Variants in TFEC observed in about 807,000 individuals in gnomAD.
TFEC encodes transcription factor EC, also known as class E basic helix-loop-helix protein 34.
A neutral mutation model predicts 41.6 loss-of-function variants in TFEC; 31 were observed. The ratio of observed to expected loss-of-function variants is 0.74; its 90% CI spans 0.56 to 1.01. The LOEUF is 1.01. Among genes scored for constraint, TFEC ranks in the 50% least tolerant of loss-of-function variants. The pLI is 0.00. For synonymous variants in TFEC, 143 were observed against 140.6 expected (o/e 1.02, Z -0.12); for missense variants, 402 against 404.1 (o/e 0.99, Z 0.04).
rs184854304 is a variant in TFEC at position 115,970,665 on chromosome 7, C to A, written c.267+3505G>T. On this transcript the variant is annotated intron_variant, in intron 3 of 7. Coordinates refer to ENST00000265440, the MANE Select transcript of TFEC (RefSeq NM_012252.4). ...GAAGAAAAGTCCTTTGGAAGGGATC[C>A]CAGACACAAATGGTAGGGCTAGCTT... 7.9e-5 allele frequency among the ~76,000 whole-genome samples: 12 copies of A among 151,864 alleles called. No individual in the cohort carries two copies. In the East Asian group the frequency reaches 1.9e-3, roughly 25 times the overall value.
intron 3 of TFEC, chr7:115,968,085 T>C (rs1299477060): frequency 1.6e-6 from 2 of 1,222,932 alleles, no homozygotes; most frequent in East Asian, 5.2e-5. Context: ...AATGTTCACA[T>C]ACCTTATTTT....
At chr7:116,026,247 T>C (rs1795580070) in intron 1 of TFEC, among the ~76,000 whole-genome samples, 1 of 152,230 alleles carries the variant, frequency 6.6e-6, no homozygotes, top group Admixed American at 6.5e-5. Context: ...ATGCTAGTCT[T>C]TCGATCCACT....
chr7:116,033,802 A>G (rs1166567377), upstream of TFEC, among the ~76,000 whole-genome samples: 1 of 152,114 alleles, frequency 6.6e-6, no homozygotes, highest in Admixed American at 6.6e-5. Context: ...AGGAAAACAA[A>G]TAATCTTCTC....
intron 3 of TFEC, among the ~76,000 whole-genome samples, chr7:116,099,753 T>G (rs1445129751): frequency 1.3e-5 from 2 of 152,180 alleles, no homozygotes; most frequent in Admixed American, 6.5e-5. Context: ...AGAAGTAACA[T>G]AGTTGTTTTA....
rs189130468 is a variant in TFEC, at chr7:116,044,720, A to C, written c.199-60207T>G. Among the ~76,000 whole-genome samples, 11 of 152,336 alleles carry C rather than the reference A, an allele frequency of 7.2e-5. No individual in the cohort carries two copies. The East Asian group carries it at 1.9e-3, about 27-fold the overall frequency. Reference sequence around the variant, plus strand: ...TTTTTCTTCAGCATCTTGACTGCCTACACCTGCTGACTGCAGGCATCTGCC... The same window carrying C: ...TTTTTCTTCAGCATCTTGACTGCCTCCACCTGCTGACTGCAGGCATCTGCC... On this transcript the variant is annotated intron_variant, in intron 3 of 8. Transcript: ENST00000484212.
intron 3 of TFEC, among the ~76,000 whole-genome samples, chr7:116,090,199 A>G (rs1352256935): frequency 6.6e-6 from 1 of 152,180 alleles, no homozygotes; most frequent in Non-Finnish European, 1.5e-5. Flanking sequence ...ACGTTTGCAT[A>G]GGAGTGTGAC....
chr7:116,138,962 A>G (rs1205621156), intron 1 of TFEC, among the ~76,000 whole-genome samples: 1 of 152,234 alleles, frequency 6.6e-6, no homozygotes, highest in Non-Finnish European at 1.5e-5. Flanking sequence ...TTCAATTAGA[A>G]CTAAGCTTGC....
chr7:116,094,562 C>T (rs918124495), intron 3 of TFEC, among the ~76,000 whole-genome samples: 1 of 152,040 alleles, frequency 6.6e-6, no homozygotes, highest in African/African-American at 2.4e-5. Flanking sequence ...TGCCTGTGGT[C>T]CCAGCTACTT....
At chr7:116,137,522 C>T (rs559096974) in intron 1 of TFEC, among the ~76,000 whole-genome samples, 2 of 152,220 alleles carry the variant, frequency 1.3e-5, no homozygotes, top group East Asian at 3.9e-4. Context: ...GTCTTTGAGT[C>T]TTAACTTTCC....
intron 1 of TFEC, among the ~76,000 whole-genome samples, chr7:115,991,627 A>G (rs997007623): frequency 6.6e-6 from 1 of 152,242 alleles, no homozygotes; most frequent in Non-Finnish European, 1.5e-5. Flanking sequence ...AGAGACAAAG[A>G]AGGCCATTAC....
rs1562873009 is a variant in TFEC at position 115,940,611 on chromosome 7, T to G, written c.984A>C (p.Ala328=). 2.5e-6 allele frequency: 4 copies of G among 1,613,466 alleles called. No homozygotes were observed. The highest frequency in any genetic ancestry group is 3.4e-6 in the Non-Finnish European group (4 of 1,179,622). ...TTCTCCTACTGCTTTCTTTGGAAAC[T>G]GCAGGGGAAGTGGCAGATAGCAGAG... is the stretch of plus-strand genomic sequence containing the variant. ...TDPLLSATSP[A]VSKESSRRSS... is the part of the protein sequence containing the mutation. Residue 328 remains alanine, a synonymous_variant, in exon 8 of 8, where the codon GCA becomes GCC. Coordinates refer to ENST00000265440, the MANE Select transcript of TFEC (RefSeq NM_012252.4).
chr7:115,968,834 T>C (rs1013106782), intron 3 of TFEC, among the ~76,000 whole-genome samples: 2 of 151,914 alleles, frequency 1.3e-5, no homozygotes, highest in African/African-American at 4.8e-5. Context: ...ATTAACTATA[T>C]GAACTTGGGC....
chr7:115,990,166 T>G (rs1475497469), intron 1 of TFEC, among the ~76,000 whole-genome samples: 1 of 152,206 alleles, frequency 6.6e-6, no homozygotes, highest in East Asian at 1.9e-4. Context: ...CTGAGGGTTC[T>G]GACTATTAGA....
At chr7:116,141,644 A>T (rs889363627) in intron 1 of TFEC, among the ~76,000 whole-genome samples, 2 of 152,152 alleles carry the variant, frequency 1.3e-5, no homozygotes, top group East Asian at 3.9e-4. Context: ...TCAAAGTTAG[A>T]TGTATTATTT....
At chr7:116,051,440 G>T (rs999203605) in intron 3 of TFEC, among the ~76,000 whole-genome samples, 4 of 152,158 alleles carry the variant, frequency 2.6e-5, no homozygotes, top group Non-Finnish European at 4.4e-5. Flanking sequence ...TCTGGCTGAA[G>T]TCGAACTCTT....
chr7:115,996,132 C>T (rs936837426), intron 1 of TFEC, among the ~76,000 whole-genome samples: 1 of 152,106 alleles, frequency 6.6e-6, no homozygotes, highest in African/African-American at 2.4e-5. Context: ...TGCCACCTAT[C>T]CCCCAACCTA....
At chr7:116,078,238 A>G (rs957769337) in intron 3 of TFEC, among the ~76,000 whole-genome samples, 1 of 151,984 alleles carries the variant, frequency 6.6e-6, no homozygotes, top group African/African-American at 2.4e-5. Flanking sequence ...AAAGAGTATT[A>G]AAAAGCACAA....
chr7:115,953,730 C>T (rs1038549911), intron 5 of TFEC, among the ~76,000 whole-genome samples: 2 of 152,054 alleles, frequency 1.3e-5, no homozygotes, highest in African/African-American at 4.8e-5. Flanking sequence ...TGACCATGTG[C>T]CAGCTCTTGT....
chr7:115,968,426 G>A, intron 3 of TFEC: 1 of 775,556 alleles, frequency 1.3e-6, no homozygotes. Flanking sequence ...AGCACAGGGG[G>A]TTGTTAATAT....
Sources: gnomAD v4.1 joint callset for allele counts (sites outside exome capture counted in the v4.1 genomes callset) on GRCh38, gnomAD v4.1.1 for gene constraint, MANE v1.5 for transcripts, NCBI Gene and HGNC (gene_info 2026-07-23, HGNC 2026-07-21) for gene names.